The following ANKFN1 variants were observed in gnomAD, a reference collection of about 807,000 sequenced individuals.
ANKFN1 encodes the protein ankyrin repeat and fibronectin type-III domain-containing protein 1.
ANKFN1 carries 74 observed loss-of-function variants against 108.7 expected under a neutral mutation model. That is an observed-to-expected ratio of 0.68 (90% confidence interval 0.56 to 0.83). ANKFN1 has a LOEUF of 0.83. ANKFN1 is among the 40% of genes least tolerant of loss of function. The pLI, the probability that ANKFN1 is intolerant of heterozygous loss-of-function variation, is 0.00. For synonymous variants in ANKFN1, 547 were observed against 516.2 expected, an observed-to-expected ratio of 1.06 and a Z score of -0.81; for missense variants, 1,505 against 1,382.3, an observed-to-expected ratio of 1.09 and a Z score of -1.41.
chr17:56,338,628 T>C (rs756001033), intron 4 of ANKFN1, among the ~76,000 whole-genome samples: 1 of 152,082 alleles, frequency 6.6e-6, no homozygotes, highest in South Asian at 2.1e-4. Flanking sequence ...GTATATTTAT[T>C]TAACACTTGA....
At chr17:56,429,754 T>C (rs2048693285) in intron 8 of ANKFN1, among the ~76,000 whole-genome samples, 1 of 152,170 alleles carries the variant, frequency 6.6e-6, no homozygotes, top group Non-Finnish European at 1.5e-5. Context: ...GGTGGGGGTA[T>C]GAATAAAGGC....
At chr17:56,244,865 G>A in intron 3 of ANKFN1, among the ~76,000 whole-genome samples, 1 of 152,066 alleles carries the variant, frequency 6.6e-6, no homozygotes. Context: ...ATTTAGACAA[G>A]TATCACTCAG....
chr17:56,149,498 G>A (rs1908466697), upstream of ANKFN1, among the ~76,000 whole-genome samples: 1 of 152,150 alleles, frequency 6.6e-6, no homozygotes, highest in Non-Finnish European at 1.5e-5. Context: ...TATGAAAAGG[G>A]TTTTGAAGGC....
intron 14 of ANKFN1, among the ~76,000 whole-genome samples, chr17:56,458,366 C>T (rs1311795606): frequency 1.3e-5 from 2 of 151,856 alleles, no homozygotes; most frequent in Non-Finnish European, 2.9e-5. Flanking sequence ...GCTGCTCTGC[C>T]GTCCTATGCA....
intron 19 of ANKFN1, among the ~76,000 whole-genome samples, chr17:56,493,141 T>G (rs1288409520): frequency 6.6e-6 from 1 of 152,192 alleles, no homozygotes; most frequent in East Asian, 1.9e-4. Flanking sequence ...GACATAAAGT[T>G]GAATTAGACA....
At chr17:56,248,054 A>G (rs1268041965) in intron 3 of ANKFN1, among the ~76,000 whole-genome samples, 2 of 152,222 alleles carry the variant, frequency 1.3e-5, no homozygotes, top group East Asian at 1.9e-4. Context: ...GTCAGCAACC[A>G]TGAGGTCTTC....
At chr17:56,073,697 C>T (rs1305519719) in intron 4 of ANKFN1, among the ~76,000 whole-genome samples, 1 of 152,208 alleles carries the variant, frequency 6.6e-6, no homozygotes, top group African/African-American at 2.4e-5. Flanking sequence ...TCCCTGGTGA[C>T]CACCAATTTG....
intron 4 of ANKFN1, among the ~76,000 whole-genome samples, chr17:56,340,282 T>C (rs186903255): frequency 5.9e-5 from 9 of 152,286 alleles, no homozygotes; most frequent in African/African-American, 2.2e-4. Flanking sequence ...TAGTTTCTTT[T>C]GCTGTGCAGA....
intron 11 of ANKFN1, among the ~76,000 whole-genome samples, chr17:56,456,370 C>T (rs186193585): frequency 6.7e-6 from 1 of 150,326 alleles, no homozygotes; most frequent in East Asian, 2.0e-4. Context: ...TAACCACTGG[C>T]ATCTCAAGAT....
intron 7 of ANKFN1, among the ~76,000 whole-genome samples, chr17:56,373,442 C>G (rs2046863791): frequency 1.3e-5 from 2 of 152,128 alleles, no homozygotes; most frequent in African/African-American, 4.8e-5. Flanking sequence ...GAGTGTAGCT[C>G]CTGATACAAA....
intron 8 of ANKFN1, among the ~76,000 whole-genome samples, chr17:56,388,171 C>T (rs1454843767): frequency 1.3e-5 from 2 of 151,298 alleles, no homozygotes; most frequent in African/African-American, 4.9e-5. Flanking sequence ...TGGAGTCTCA[C>T]TCTGTCACCC....
chr17:56,313,140 G>A (rs73311729), intron 3 of ANKFN1, among the ~76,000 whole-genome samples: 15,846 of 143,278 alleles, frequency 0.11, 1,730 homozygotes, highest in African/African-American at 0.29. Context: ...GCAACAGAGC[G>A]AGAATCCAAC....
chr17:56,175,635 G>T (rs1911075304), intron 1 of ANKFN1, among the ~76,000 whole-genome samples: 1 of 152,166 alleles, frequency 6.6e-6, no homozygotes, highest in Non-Finnish European at 1.5e-5. Flanking sequence ...TGGATAAAAT[G>T]CCTTGTCACC....
chr17:56,156,976 C>A (rs1909177061), intron 1 of ANKFN1, among the ~76,000 whole-genome samples: 4 of 152,198 alleles, frequency 2.6e-5, no homozygotes, highest in Admixed American at 2.6e-4. Flanking sequence ...CCATCTACAC[C>A]ATTCTTCTCC....
chr17:56,301,595 G>A lies in ANKFN1; in HGVS notation c.54-24626G>A, dbSNP rs186577052. ...CAAATAAGAGATCCAATCAAAGAACGTCCTGGTGGCTTCTACACCTAGCCC... is the reference window on the plus strand; with the variant it reads ...CAAATAAGAGATCCAATCAAAGAACATCCTGGTGGCTTCTACACCTAGCCC... On this transcript the variant is annotated intron_variant, in intron 3 of 20. Coordinates refer to ENST00000682825, the MANE Select transcript of ANKFN1 (RefSeq NM_001370326.1). Among the ~76,000 whole-genome samples the A allele has an allele frequency of 3.4e-3, 514 of 152,280 alleles. 5 individuals carry two copies. The highest frequency in any genetic ancestry group is 4.7e-3 in the Non-Finnish European group (322 of 68,016).
Position 56,363,914 on chromosome 17 carries a change from T to C in ANKFN1, c.602-8732T>C, listed in dbSNP as rs185801609. 7.8e-4 allele frequency among the ~76,000 whole-genome samples: 119 copies of C among 152,088 alleles called. 1 individual carries two copies. In the South Asian group the frequency reaches 0.014, roughly 18 times the overall value. On this transcript the variant is annotated intron_variant, in intron 6 of 20. Transcript: ENST00000682825. ...CTCATAGAAGCAGAAAGTGGAATGG[T>C]GGTTACAGAGTCAGGGGGTTGGGGA... is the stretch of plus-strand genomic sequence containing the variant.
At chr17:56,297,399 T>C (rs2044545262) in intron 3 of ANKFN1, among the ~76,000 whole-genome samples, 1 of 152,144 alleles carries the variant, frequency 6.6e-6, no homozygotes, top group South Asian at 2.1e-4. Context: ...GTGAGAGCAA[T>C]CTACTCGTGA....
intron 4 of ANKFN1, among the ~76,000 whole-genome samples, chr17:56,097,776 T>A (rs746473670): frequency 6.6e-6 from 1 of 152,224 alleles, no homozygotes; most frequent in Non-Finnish European, 1.5e-5. Flanking sequence ...CCCTCCTTTA[T>A]CAGGCAAGGT....
chr17:56,465,332 G>T (rs2050038838), intron 14 of ANKFN1, among the ~76,000 whole-genome samples: 1 of 152,178 alleles, frequency 6.6e-6, no homozygotes, highest in African/African-American at 2.4e-5. Context: ...TCTGGTCTTT[G>T]TAAGGAAGAA....
Sources: gnomAD v4.1 joint callset for allele counts (sites outside exome capture counted in the v4.1 genomes callset) on GRCh38, gnomAD v4.1.1 for gene constraint, MANE v1.5 for transcripts, NCBI Gene and HGNC (gene_info 2026-07-23, HGNC 2026-07-21) for gene names.